The following U2SURP variants were observed in gnomAD, a reference collection of about 807,000 sequenced individuals.
U2SURP encodes the protein U2 snRNP-associated SURP motif-containing protein.
In U2SURP, 9 loss-of-function variants were observed where a neutral mutation model predicts 144.9. That is an observed-to-expected ratio of 0.06 (90% CI 0.04 to 0.11). U2SURP has a LOEUF of 0.11. Among genes scored for constraint, U2SURP ranks in the 10% least tolerant of loss-of-function variants. The pLI, the probability that U2SURP is intolerant of heterozygous loss-of-function variation, is 1.00. For synonymous variants in U2SURP, 408 were observed against 396.8 expected, an observed-to-expected ratio of 1.03 and a Z score of -0.33; for missense variants, 724 against 1,226.7, an observed-to-expected ratio of 0.59 and a Z score of 6.12.
At chr3:143,023,270 C>T in intron 12 of U2SURP, 1 of 484,680 alleles carries the variant, frequency 2.1e-6, no homozygotes. Context: ...GGCTACCATT[C>T]CTTTTTTGAC....
intron 27 of U2SURP, among the ~76,000 whole-genome samples, chr3:143,055,521 T>C (rs1410193082): frequency 1.3e-5 from 2 of 152,194 alleles, no homozygotes; most frequent in African/African-American, 4.8e-5. Context: ...GAAATACATA[T>C]CATGAATACC....
chr3:143,026,828 A>G (rs1340579423), intron 13 of U2SURP: 2 of 172,588 alleles, frequency 1.2e-5, no homozygotes, highest in Admixed American at 6.2e-5. Flanking sequence ...GCAGCTTTCT[A>G]ATTAGTTGTG....
Position 143,016,882 on chromosome 3 carries a change from G to A in U2SURP, c.477G>A (p.Lys159=), listed in dbSNP as rs553946332. The A allele has an allele frequency of 2.0e-5, 32 of 1,588,444 alleles. No individual in the cohort carries two copies. The South Asian group carries it at 2.4e-4, about 12-fold the overall frequency. Residue 159 remains lysine, a synonymous_variant, in exon 6 of 28, where the codon AAG becomes AAA. Transcript: ENST00000473835. ...ATGAAAAAAGAGGTAAAATCTATAA[G>A]CCATCTTCAAGATTTGCAGATCAAA... The part of the protein sequence containing the change: ...ETDEKRGKIY[K]PSSRFADQKN...
intron 20 of U2SURP, 129 bp from the exon 21 acceptor site, chr3:143,037,050 G>A: frequency 1.2e-6 from 1 of 857,898 alleles, no homozygotes. Context: ...GATAGAATAT[G>A]TTCTTACATT....
At chr3:143,027,622 C>CT (rs1209175393) in intron 14 of U2SURP, among the ~76,000 whole-genome samples, 5 of 152,166 alleles carry the variant, frequency 3.3e-5, no homozygotes, top group East Asian at 3.9e-4. Flanking sequence ...TCGGGATTTC[C>CT]TTTTTTAAGG....
rs780333459 is a variant in U2SURP at position 143,012,499 on chromosome 3, A to G, written c.222+146A>G. On this transcript the variant is annotated intron_variant, in intron 3 of 27. Transcript: ENST00000473835. ...AAATAGCATTCTTTTTGTATTTGGG[A>G]TAACAGTAAACTCATTTATGTAGGG... The G allele has an allele frequency of 3.7e-5, 27 of 731,386 alleles. No homozygotes were observed. The South Asian group carries it at 1.0e-3, about 28-fold the overall frequency. 45.3% of individuals were successfully genotyped at this position (731,386 alleles called of 1,614,324 possible). A position where few individuals can be genotyped will look rare whatever the true frequency, so the allele number is the denominator to read the frequency against.
At chr3:143,016,024 C>T (rs1174409228) in intron 4 of U2SURP, among the ~76,000 whole-genome samples, 3 of 152,058 alleles carry the variant, frequency 2.0e-5, no homozygotes, top group Non-Finnish European at 4.4e-5. Context: ...ACTAATTAAT[C>T]TATACTTAGG....
chr3:143,034,686 T>G, intron 18 of U2SURP: 1 of 461,846 alleles, frequency 2.2e-6, no homozygotes, highest in Non-Finnish European at 3.9e-6. Flanking sequence ...TGTTGGGGAG[T>G]TTGTAGGAGA....
In U2SURP at chr3:143,023,970, T is replaced by C; in HGVS notation, c.1231-5T>C. The C allele has an allele frequency of 1.9e-6, 3 of 1,612,922 alleles. No individual in the cohort carries two copies. The highest frequency in any genetic ancestry group is 2.5e-6 in the Non-Finnish European group (3 of 1,179,136). ...GTTTATTATCTGATGTGACTTCATA[T>C]ACAGACTCTGTCGCAAGCCATAGTC... On this transcript the variant is annotated splice_region_variant and splice_polypyrimidine_tract_variant and intron_variant, in intron 12 of 27. Transcript: ENST00000473835.
At chr3:143,021,324 AATTGT>A (rs769358238) in intron 8 of U2SURP, 21 bp from the exon 9 acceptor site, 1 of 1,572,382 alleles carries the variant, frequency 6.4e-7, no homozygotes, top group East Asian at 2.3e-5. Flanking sequence ...AAAAACTAAT[AATTGT>A]CTTCTTTTCT....
chr3:143,039,907 G>A (rs1244044511), intron 23 of U2SURP, among the ~76,000 whole-genome samples: 1 of 151,838 alleles, frequency 6.6e-6, no homozygotes, highest in African/African-American at 2.4e-5. Context: ...CAGCAATGAT[G>A]ATGACAAAAT....
At chr3:143,034,265 G>A (rs1196321442) in intron 18 of U2SURP, among the ~76,000 whole-genome samples, 2 of 152,098 alleles carry the variant, frequency 1.3e-5, no homozygotes, top group Non-Finnish European at 2.9e-5. Flanking sequence ...TTAGCTGGGC[G>A]TGGTGGTGTG....
chr3:143,024,031 C>G lies in U2SURP; in HGVS notation c.1274+13C>G. The G allele has an allele frequency of 6.2e-7, 1 of 1,609,746 alleles. No individual in the cohort carries two copies. Among genetic ancestry groups the G allele is most frequent in the Non-Finnish European group, 8.5e-7 (1 of 1,176,332 alleles). On this transcript the variant is annotated intron_variant, in intron 13 of 27. Transcript: ENST00000473835. ...TCCCAACAGAAAGGTACATGTTTTTCTTTATTATTACTGATCTAAATATAG... is the reference window on the plus strand; with the variant it reads ...TCCCAACAGAAAGGTACATGTTTTTGTTTATTATTACTGATCTAAATATAG...
chr3:143,021,587 A>C, intron 10 of U2SURP, 32 bp downstream of exon 10: 1 of 1,561,608 alleles, frequency 6.4e-7, no homozygotes. Context: ...GTTGATTGAT[A>C]TGCTTTATGC....
chr3:143,040,105 A>G (rs1381924027), intron 23 of U2SURP, among the ~76,000 whole-genome samples: 4 of 151,868 alleles, frequency 2.6e-5, no homozygotes, highest in Non-Finnish European at 5.9e-5. Context: ...TAAAAGTAGT[A>G]TACGTACTCA....
At chr3:143,052,828 G>T (rs1934955361) in intron 25 of U2SURP, among the ~76,000 whole-genome samples, 1 of 152,266 alleles carries the variant, frequency 6.6e-6, no homozygotes, top group East Asian at 1.9e-4. Flanking sequence ...ATTCCATTTA[G>T]TGAAGAACTA....
In U2SURP at chr3:143,034,960, A is replaced by G. The variant is rs1933728701; in HGVS notation, c.1926A>G (p.Gln642=). 2 of 1,525,718 alleles carry G rather than the reference A, an allele frequency of 1.3e-6. No homozygotes were observed. Among genetic ancestry groups the G allele is most frequent in the Non-Finnish European group, 8.8e-7 (1 of 1,130,172 alleles). The allele number at this position is 1,525,718 out of a possible 1,614,324, so 94.5% of individuals were successfully genotyped here. A position where few individuals can be genotyped will look rare whatever the true frequency, so the allele number is the denominator to read the frequency against. Residue 642 remains glutamine, a synonymous_variant, in exon 19 of 28, where the codon CAA becomes CAG. Transcript: ENST00000473835. ...ATCGTACAATTCAAGGCCATTTACA[A>G]TCTGAAAACTTTAAGGTACGTTTAT... ...ATYRTIQGHL[Q]SENFKQRVMT... is the part of the protein sequence containing the mutation.
chr3:143,037,309 TTGA>T lies in U2SURP; in HGVS notation c.2203_2205del (p.Asp735del), dbSNP rs1167987966. ...CTTGATGGAGTCCCTATAAAAAGTCTTGATGATGATCTTGATGGAGTGCCTTGT... is the reference window on the plus strand; with the variant it reads ...CTTGATGGAGTCCCTATAAAAAGTCTTGATGATCTTGATGGAGTGCCTTGT... On this transcript the variant is annotated inframe_deletion, in exon 21 of 28. Transcript: ENST00000473835. The T allele has an allele frequency of 6.2e-7, 1 of 1,612,426 alleles. No individual in the cohort carries two copies. The highest frequency in any genetic ancestry group is 8.5e-7 in the Non-Finnish European group (1 of 1,179,158).
At chr3:143,016,771 T>C (rs1215764634) in intron 5 of U2SURP, 71 bp from the exon 6 acceptor site, 1 of 1,327,398 alleles carries the variant, frequency 7.5e-7, no homozygotes, top group Non-Finnish European at 1.0e-6. Context: ...TAATTTTTAC[T>C]TGTTTTTAAA....
Sources: gnomAD v4.1 joint callset for allele counts (sites outside exome capture counted in the v4.1 genomes callset) on GRCh38, gnomAD v4.1.1 for gene constraint, MANE v1.5 for transcripts, NCBI Gene and HGNC (gene_info 2026-07-23, HGNC 2026-07-21) for gene names.